Variants in MAPRE2 observed in about 807,000 individuals in gnomAD.
The protein encoded by MAPRE2 is microtubule-associated protein RP/EB family member 2.
Under a neutral mutation model 43.2 loss-of-function variants are expected in MAPRE2, and 13 were observed. The observed-to-expected ratio is 0.30, with a 90% CI of 0.20 to 0.48. The LOEUF (loss-of-function observed/expected upper bound fraction) is 0.48, where lower values mean the gene tolerates loss of function less well. Ranked by LOEUF, MAPRE2 falls within the 20% of genes least tolerant of loss-of-function variation. MAPRE2 has a pLI of 0.99. For missense variants in MAPRE2, 161 were observed against 400.2 expected (o/e 0.40, Z 5.10); for synonymous variants, 135 against 148.8 (o/e 0.91, Z 0.68).
At chr18:35,009,804 C>T (rs975309039) in intron 2 of MAPRE2, among the ~76,000 whole-genome samples, 1 of 152,186 alleles carries the variant, frequency 6.6e-6, no homozygotes, top group Admixed American at 6.5e-5. Context: ...AGGAACCTCA[C>T]TGATAATCTA....
At chr18:34,977,553 G>T (rs77334275) in intron 1 of MAPRE2, among the ~76,000 whole-genome samples, 5,008 of 152,316 alleles carry the variant, frequency 0.033, 277 homozygotes, top group African/African-American at 0.11. Flanking sequence ...GGGGCTGCGC[G>T]CTTGGGGGCA....
At chr18:35,034,505 A>G (rs2097049465) in intron 2 of MAPRE2, among the ~76,000 whole-genome samples, 1 of 152,098 alleles carries the variant, frequency 6.6e-6, no homozygotes, top group South Asian at 2.1e-4. Flanking sequence ...GCCAAAATTG[A>G]CAAATGGAAT....
intron 4 of MAPRE2, among the ~76,000 whole-genome samples, chr18:35,122,082 T>A (rs937065395): frequency 6.6e-6 from 1 of 152,144 alleles, no homozygotes; most frequent in Admixed American, 6.5e-5. Flanking sequence ...CTCTAAAGAG[T>A]TATGCTGTAT....
rs1004938213 is a variant in MAPRE2 at position 35,141,518 on chromosome 18, A to G, written c.*1149A>G. On this transcript the variant is annotated 3_prime_UTR_variant, in exon 7 of 7. Transcript: ENST00000300249. ...GAATAAAGAATTTTCCCTCTTTAAC[A>G]CAAGGGCCCTCCTTGTCATTGACCT... 4.6e-5 allele frequency: 7 copies of G among 152,248 alleles called. No homozygotes were observed. The highest frequency in any genetic ancestry group is 1.0e-4 in the Non-Finnish European group (7 of 68,036). The allele number at this position is 152,248 out of a possible 1,614,324, so 9.4% of individuals were successfully genotyped here.
chr18:35,088,748 T>C (rs1603399813), intron 2 of MAPRE2, among the ~76,000 whole-genome samples: 1 of 152,096 alleles, frequency 6.6e-6, no homozygotes, highest in Admixed American at 6.6e-5. Flanking sequence ...GAAGAAAATA[T>C]AGAATTTCAA....
intron 1 of MAPRE2, chr18:34,978,291 T>C (rs982469796): frequency 6.6e-6 from 4 of 605,682 alleles, no homozygotes; most frequent in African/African-American, 1.9e-5. Flanking sequence ...TATCGTGCTG[T>C]CAATGTAGAA....
chr18:34,978,802 G>A (rs2097014579), intron 1 of MAPRE2, among the ~76,000 whole-genome samples: 1 of 152,176 alleles, frequency 6.6e-6, no homozygotes, highest in South Asian at 2.1e-4. Context: ...GTAGAGCTAT[G>A]CTTCTTCAAA....
At chr18:35,037,915 G>C (rs962765290), upstream of MAPRE2, among the ~76,000 whole-genome samples, 1 of 152,200 alleles carries the variant, frequency 6.6e-6, no homozygotes, top group African/African-American at 2.4e-5. Context: ...AGGGTTGGGA[G>C]AGTAGGGGCC....
Position 35,143,146 on chromosome 18 carries a change from T to G in MAPRE2, c.*2777T>G, listed in dbSNP as rs1910743755. ...TAAATTCCAGAAGGGAACCAAGAAC[T>G]CTTCCCTTCCCTGGTGAGTATTTCC... On this transcript the variant is annotated 3_prime_UTR_variant, in exon 7 of 7. Transcript: ENST00000300249. 6.6e-6 allele frequency: 1 copy of G among 151,356 alleles called. No individual in the cohort carries two copies. The highest frequency in any genetic ancestry group is 2.4e-5 in the African/African-American group (1 of 41,284). The allele number at this position is 151,356 out of a possible 1,614,324, so 9.4% of individuals were successfully genotyped here.
chr18:35,059,485 CTA>C (rs1906409353), intron 1 of MAPRE2, among the ~76,000 whole-genome samples: 3 of 152,154 alleles, frequency 2.0e-5, no homozygotes, highest in African/African-American at 7.2e-5. Context: ...TATTGTGTAC[CTA>C]CTGTGTGCCA....
At chr18:35,005,619 T>C (rs573581013) in intron 2 of MAPRE2, 2 of 953,718 alleles carry the variant, frequency 2.1e-6, no homozygotes, top group Non-Finnish European at 1.6e-6. Context: ...TGAGTAGTAA[T>C]ATTGTCATTG....
intron 2 of MAPRE2, among the ~76,000 whole-genome samples, chr18:35,086,046 T>A (rs1907861345): frequency 6.6e-6 from 1 of 152,174 alleles, no homozygotes; most frequent in South Asian, 2.1e-4. Flanking sequence ...CTTTCATCAG[T>A]ACCAAATAAG....
At position 34,992,763 on chromosome 18, in the gene MAPRE2, T is replaced by C. The variant is rs568609611; in HGVS notation, c.-69-12729T>C. On this transcript the variant is annotated intron_variant, in intron 1 of 7. Coordinates refer to the MAPRE2 transcript ENST00000413393. ...GCAGTGATAAGTTTAAACATCCATT[T>C]AACATATGGAGAATGCCATTATAGC... Among the ~76,000 whole-genome samples the C allele has an allele frequency of 1.6e-3, 241 of 152,292 alleles. 1 individual carries two copies. Among genetic ancestry groups the C allele is most frequent in the Non-Finnish European group, 2.9e-3 (195 of 68,008 alleles).
At chr18:35,069,692 A>G (rs1278846025) in intron 1 of MAPRE2, among the ~76,000 whole-genome samples, 2 of 152,176 alleles carry the variant, frequency 1.3e-5, no homozygotes, top group Admixed American at 6.5e-5. Context: ...CAATATATAT[A>G]TATTCCACAA....
At chr18:35,001,505 C>T (rs923593773) in intron 1 of MAPRE2, among the ~76,000 whole-genome samples, 1 of 113,080 alleles carries the variant, frequency 8.8e-6, no homozygotes, top group Admixed American at 1.0e-4. Flanking sequence ...CAGAGCAAGA[C>T]TTTGTCTCAA....
intron 2 of MAPRE2, among the ~76,000 whole-genome samples, chr18:35,023,945 A>G (rs1388546345): frequency 6.6e-6 from 1 of 152,238 alleles, no homozygotes; most frequent in Non-Finnish European, 1.5e-5. Flanking sequence ...TCAAGTATGT[A>G]CCGTAATAAG....
At chr18:34,985,229 TATATATTATATAATATAA>T (rs2097019017) in intron 1 of MAPRE2, among the ~76,000 whole-genome samples, 1 of 55,710 alleles carries the variant, frequency 1.8e-5, no homozygotes, top group Non-Finnish European at 3.0e-5. Flanking sequence ...TATATAATAT[TATATATTATATAATATAA>T]AATATATAAT....
intron 1 of MAPRE2, among the ~76,000 whole-genome samples, chr18:34,986,543 T>C (rs1376546044): frequency 2.0e-5 from 3 of 152,108 alleles, no homozygotes; most frequent in African/African-American, 7.2e-5. Context: ...TTGCCCTCTA[T>C]TGTGATTTTT....
At chr18:35,129,032 C>G (rs571511799) in intron 5 of MAPRE2, among the ~76,000 whole-genome samples, 1 of 151,910 alleles carries the variant, frequency 6.6e-6, no homozygotes, top group African/African-American at 2.4e-5. Flanking sequence ...CTCAGAGAAC[C>G]GAGTGAGAAG....
Sources: gnomAD v4.1 joint callset for allele counts (sites outside exome capture counted in the v4.1 genomes callset) on GRCh38, gnomAD v4.1.1 for gene constraint, MANE v1.5 for transcripts, NCBI Gene and HGNC (gene_info 2026-07-23, HGNC 2026-07-21) for gene names.